The following GPM6B variants were observed in gnomAD, a reference collection of about 807,000 sequenced individuals.
The protein encoded by GPM6B is neuronal membrane glycoprotein M6-b.
A neutral mutation model predicts 27.2 loss-of-function variants in GPM6B; 4 were observed. That is an observed-to-expected ratio of 0.15 (90% CI 0.07 to 0.34). The LOEUF (loss-of-function observed/expected upper bound fraction) is 0.34, where lower values mean the gene tolerates loss of function less well. Ranked by LOEUF, GPM6B falls within the 10% of genes least tolerant of loss-of-function variation. GPM6B has a pLI of 1.00. For missense variants in GPM6B, 183 were observed against 261.9 expected, an observed-to-expected ratio of 0.70 and a Z score of 2.08; for synonymous variants, 124 against 103.1, an observed-to-expected ratio of 1.20 and a Z score of -1.23.
intron 1 of GPM6B, among the ~76,000 whole-genome samples, chrX:13,913,124 C>A (rs995400861): frequency 9.0e-6 from 1 of 111,671 alleles, no homozygotes; most frequent in Non-Finnish European, 1.9e-5. Flanking sequence ...AATTATAGCA[C>A]GTCCCAGTCT....
intron 2 of GPM6B, among the ~76,000 whole-genome samples, chrX:13,801,576 C>T (rs781172218): frequency 9.8e-5 from 11 of 111,977 alleles, no homozygotes; most frequent in East Asian, 2.8e-4. Flanking sequence ...TAGTGGAGTA[C>T]GAAAGCAGCC....
At chrX:13,852,440 G>A (rs1174348065) in intron 1 of GPM6B, among the ~76,000 whole-genome samples, 1 of 110,738 alleles carries the variant, frequency 9.0e-6, no homozygotes, top group East Asian at 2.8e-4. Flanking sequence ...GCAATATAAG[G>A]AAGTATACAC....
intron 1 of GPM6B, among the ~76,000 whole-genome samples, chrX:13,861,308 C>T (rs1328824183): frequency 9.2e-6 from 1 of 108,908 alleles, no homozygotes; most frequent in Non-Finnish European, 1.9e-5. Context: ...GATTTTTTTT[C>T]CCCCTGGGTA....
At chrX:13,780,347 T>C (rs989156085) in intron 4 of GPM6B, among the ~76,000 whole-genome samples, 2 of 111,979 alleles carry the variant, frequency 1.8e-5, no homozygotes, top group African/African-American at 3.2e-5. Context: ...AAATAGCCGT[T>C]CTGAAAATGC....
chrX:13,926,648 T>C (rs1032543511), intron 1 of GPM6B, among the ~76,000 whole-genome samples: 2 of 111,730 alleles, frequency 1.8e-5, no homozygotes, highest in African/African-American at 6.5e-5. Context: ...ATATAGATAT[T>C]ATCGGGAGGA....
At chrX:13,891,410 T>C (rs1569289686) in intron 1 of GPM6B, among the ~76,000 whole-genome samples, 1 of 93,387 alleles carries the variant, frequency 1.1e-5, no homozygotes, top group Non-Finnish European at 2.0e-5. Flanking sequence ...GCAAGTCAGA[T>C]AGAAACCAAA....
Position 13,772,698 on chromosome X carries a change from C to G in GPM6B, c.*183G>C. 2.8e-6 allele frequency: 1 copy of G among 354,487 alleles called. No individual in the cohort carries two copies. The highest frequency in any genetic ancestry group is 4.9e-6 in the Non-Finnish European group (1 of 205,795). The allele number at this position is 354,487 out of a possible 1,213,427, so 29.2% of individuals were successfully genotyped here. A position where few individuals can be genotyped will look rare whatever the true frequency, so the allele number is the denominator to read the frequency against. ...TAACATGAAACCTCCAATATTTGTT[C>G]TAAAGAAAAAGATTTACCCACTGGA... On this transcript the variant is annotated 3_prime_UTR_variant, in exon 8 of 8. Transcript: ENST00000316715.
At chrX:13,794,603 T>G (rs1408631444) in intron 2 of GPM6B, among the ~76,000 whole-genome samples, 1 of 112,033 alleles carries the variant, frequency 8.9e-6, no homozygotes, top group Non-Finnish European at 1.9e-5. Context: ...GTAAAACTGC[T>G]GATGCCTGAG....
At chrX:13,871,043 G>A (rs1200811354) in intron 1 of GPM6B, among the ~76,000 whole-genome samples, 3 of 109,262 alleles carry the variant, frequency 2.7e-5, no homozygotes, top group African/African-American at 1.0e-4. Flanking sequence ...CTCCAGCCTC[G>A]GTGACAGAGC....
chrX:13,861,503 T>C (rs897271104), intron 1 of GPM6B, among the ~76,000 whole-genome samples: 2 of 112,008 alleles, frequency 1.8e-5, no homozygotes, highest in African/African-American at 6.5e-5. Flanking sequence ...TCATTTTCTA[T>C]GTTCAAAATA....
intron 1 of GPM6B, among the ~76,000 whole-genome samples, chrX:13,935,289 A>G (rs1178714023): frequency 1.0e-5 from 1 of 95,800 alleles, no homozygotes; most frequent in Non-Finnish European, 2.0e-5. Context: ...ACTTGAGGCC[A>G]GGAGTTTGAG....
intron 1 of GPM6B, among the ~76,000 whole-genome samples, chrX:13,916,662 A>AATGT (rs2050431554): frequency 2.8e-5 from 1 of 35,979 alleles, no homozygotes; most frequent in South Asian, 9.6e-4. Context: ...TTAGTTTATT[A>AATGT]ATGTGTGTGT....
rs1443948050 is a variant in GPM6B, at chrX:13,837,714, G to A, written c.-197-51906C>T. Among the ~76,000 whole-genome samples the A allele has an allele frequency of 2.2e-4, 16 of 72,739 alleles. No individual in the cohort carries two copies. In the East Asian group the frequency reaches 6.3e-3, roughly 29 times the overall value. The allele number at this position is 72,739 out of a possible 115,157, so 63.2% of individuals were successfully genotyped here. ...TGCTTTTTCAAAGCAAGTTGGTGGG[G>A]GGGGGGGGGGGGGGAAGCAGAGGGG... On this transcript the variant is annotated intron_variant, in intron 1 of 6. Transcript: ENST00000398361.
chrX:13,893,432 C>T (rs1340889519), intron 1 of GPM6B, among the ~76,000 whole-genome samples: 1 of 111,801 alleles, frequency 8.9e-6, no homozygotes, highest in Non-Finnish European at 1.9e-5. Flanking sequence ...AAACATGCTT[C>T]CTGTCAAATA....
chrX:13,925,957 A>G (rs1312171761), intron 1 of GPM6B, among the ~76,000 whole-genome samples: 2 of 107,714 alleles, frequency 1.9e-5, no homozygotes, highest in Non-Finnish European at 3.8e-5. Context: ...CAGGAGGCTG[A>G]GGCAGGAGAA....
chrX:13,834,093 A>T (rs1304618038), intron 1 of GPM6B, among the ~76,000 whole-genome samples: 2 of 112,715 alleles, frequency 1.8e-5, no homozygotes, highest in East Asian at 2.8e-4. Context: ...TGAAATAAAC[A>T]TTATGTGCCC....
chrX:13,837,297 GGTAGAAGTCCCCTTTCCTAGTCCCCT>G (rs1178975091), intron 1 of GPM6B, among the ~76,000 whole-genome samples: 1 of 111,776 alleles, frequency 8.9e-6, no homozygotes, highest in Non-Finnish European at 1.9e-5. Context: ...TTATCTAGGA[GGTAGAAGTCCCCTTTCCTAGTCCCCT>G]GTAGAAGTTC....
intron 1 of GPM6B, among the ~76,000 whole-genome samples, chrX:13,931,360 C>T (rs1230123413): frequency 3.9e-4 from 42 of 108,671 alleles, no homozygotes; most frequent in African/African-American, 9.0e-4. Flanking sequence ...TGGTGGTGGG[C>T]GCCTGTAGTC....
Position 13,787,778 on chromosome X carries a change from C to T in GPM6B, c.182-1970G>A, listed in dbSNP as rs139250765. Among the ~76,000 whole-genome samples the T allele has an allele frequency of 3.7e-3, 417 of 111,684 alleles. 2 individuals carry two copies. Among genetic ancestry groups the T allele is most frequent in the African/African-American group, 0.013 (398 of 30,732 alleles). ...GAGAAACTAGAATCCTTGGCCTTGACGTATCTCATTATAAAGAGAAAACAG... is the reference window on the plus strand; with the variant it reads ...GAGAAACTAGAATCCTTGGCCTTGATGTATCTCATTATAAAGAGAAAACAG... On this transcript the variant is annotated intron_variant, in intron 2 of 7. Coordinates refer to ENST00000316715, the MANE Select transcript of GPM6B (RefSeq NM_001001995.3).
Sources: gnomAD v4.1 joint callset for allele counts (sites outside exome capture counted in the v4.1 genomes callset) on GRCh38, gnomAD v4.1.1 for gene constraint, MANE v1.5 for transcripts, NCBI Gene and HGNC (gene_info 2026-07-23, HGNC 2026-07-21) for gene names.